The following LRRN2 variants were observed in gnomAD, a reference collection of about 807,000 sequenced individuals.
LRRN2 encodes the protein leucine rich repeat neuronal 2.
A neutral mutation model predicts 35.7 loss-of-function variants in LRRN2; 10 were observed. That is an observed-to-expected ratio of 0.28 (90% CI 0.17 to 0.47). The LOEUF (loss-of-function observed/expected upper bound fraction) is 0.47. Ranked by LOEUF, LRRN2 falls within the 20% of genes least tolerant of loss-of-function variation. The probability of loss-of-function intolerance (pLI) is 0.99; values close to 1 mark genes in which losing one functional copy is unlikely to be tolerated. For missense variants in LRRN2, 731 were observed against 940.3 expected (o/e 0.78, Z 2.91); for synonymous variants, 391 against 409.6 (o/e 0.95, Z 0.55).
intron 1 of LRRN2, among the ~76,000 whole-genome samples, chr1:204,622,840 A>G (rs1436259132): frequency 6.6e-6 from 1 of 152,128 alleles, no homozygotes; most frequent in East Asian, 1.9e-4. Context: ...CTCACTACCC[A>G]AGTACCTGAG....
chr1:204,647,524 G>C (rs1300065731), intron 1 of LRRN2, among the ~76,000 whole-genome samples: 1 of 152,164 alleles, frequency 6.6e-6, no homozygotes, highest in Admixed American at 6.5e-5. Context: ...CTGACAACAA[G>C]GAAAGGGAGA....
chr1:204,683,565 G>A (rs1168944069), intron 1 of LRRN2, among the ~76,000 whole-genome samples: 2 of 152,112 alleles, frequency 1.3e-5, no homozygotes, highest in Non-Finnish European at 2.9e-5. Context: ...AGCCTGGATG[G>A]AATTAGCAGA....
chr1:204,680,053 G>A (rs1476035930), intron 1 of LRRN2, among the ~76,000 whole-genome samples: 2 of 152,246 alleles, frequency 1.3e-5, no homozygotes, highest in Non-Finnish European at 2.9e-5. Context: ...CCGGGGTGGT[G>A]AAGAAGCAGG....
At chr1:204,632,806 C>T (rs563316834) in intron 1 of LRRN2, among the ~76,000 whole-genome samples, 4 of 151,620 alleles carry the variant, frequency 2.6e-5, no homozygotes, top group Non-Finnish European at 4.4e-5. Context: ...TGGTGGCGGG[C>T]GCCTGAAGTC....
chr1:204,684,068 G>C (rs898319235), intron 1 of LRRN2, among the ~76,000 whole-genome samples: 1 of 152,224 alleles, frequency 6.6e-6, no homozygotes, highest in African/African-American at 2.4e-5. Context: ...CGCTGGGCCA[G>C]AGCCCATCCT....
At chr1:204,630,423 A>G (rs1199549685) in intron 1 of LRRN2, among the ~76,000 whole-genome samples, 1 of 152,170 alleles carries the variant, frequency 6.6e-6, no homozygotes, top group Non-Finnish European at 1.5e-5. Flanking sequence ...AGCCCCTTCT[A>G]ACGGAAAAGG....
intron 1 of LRRN2, among the ~76,000 whole-genome samples, chr1:204,652,793 G>T (rs1170100808): frequency 1.3e-5 from 2 of 152,222 alleles, no homozygotes; most frequent in African/African-American, 4.8e-5. Context: ...CAGCTTCCAA[G>T]CAGGTGATTC....
At chr1:204,645,616 A>G (rs979827681) in intron 1 of LRRN2, among the ~76,000 whole-genome samples, 1 of 152,226 alleles carries the variant, frequency 6.6e-6, no homozygotes, top group African/African-American at 2.4e-5. Flanking sequence ...GCTGTGTATT[A>G]GTCCATTCTC....
chr1:204,671,642 T>TAAAAAAAAAAAAAAA (rs35192809), intron 1 of LRRN2, among the ~76,000 whole-genome samples: 2 of 30,252 alleles, frequency 6.6e-5, no homozygotes, highest in Non-Finnish European at 1.1e-4. Context: ...TAATTGATGG[T>TAAAAAAAAAAAAAAA]AAAAAAAAAA....
rs747697681 is a variant in LRRN2 at position 204,619,943 on chromosome 1, G to A, written c.50C>T (p.Thr17Ile). The A allele has an allele frequency of 6.2e-7, 1 of 1,613,148 alleles. No individual in the cohort carries two copies. Among genetic ancestry groups the A allele is most frequent in the Non-Finnish European group, 8.5e-7 (1 of 1,179,830 alleles). The change falls in exon 2 of 2, where the codon ACT becomes ATT. Residue 17 changes from threonine (T) to isoleucine (I), a missense_variant. Transcript: ENST00000367177. ...PLLLAWVAGA[T>I]AAVPVVPWHV... is the part of the protein sequence containing the mutation. ...CCAGGGTACCACGGGCACAGCGGCA[G>A]TGGCACCAGCCACCCAAGCTAGCAA...
intron 1 of LRRN2, among the ~76,000 whole-genome samples, chr1:204,661,274 C>T (rs570194271): frequency 6.6e-6 from 1 of 152,240 alleles, no homozygotes; most frequent in South Asian, 2.1e-4. Flanking sequence ...TGCTAGAATG[C>T]TGAGTGTAAG....
chr1:204,663,373 T>C (rs533403100), intron 1 of LRRN2, among the ~76,000 whole-genome samples: 6 of 152,280 alleles, frequency 3.9e-5, no homozygotes, highest in African/African-American at 1.4e-4. Context: ...ACACACAACA[T>C]GTGAGGAGTA....
chr1:204,668,632 C>G (rs1294049030), intron 1 of LRRN2, among the ~76,000 whole-genome samples: 1 of 152,076 alleles, frequency 6.6e-6, no homozygotes, highest in Non-Finnish European at 1.5e-5. Context: ...GTACCAGGCT[C>G]AAGTCTAGCT....
chr1:204,649,546 C>A lies in LRRN2; in HGVS notation c.-226-29328G>T, dbSNP rs577839973. ...TTCCTGCATCCCTGAACATGCCAGG[C>A]ATTGTGCAGGCAAGAGAGGAAAGCA... On this transcript the variant is annotated intron_variant, in intron 1 of 1. Transcript: ENST00000367177. Among the ~76,000 whole-genome samples the A allele has an allele frequency of 8.5e-5, 13 of 152,238 alleles. 2 individuals are homozygous for A. The South Asian group carries it at 2.7e-3, about 32-fold the overall frequency.
chr1:204,682,596 T>C (rs1571690751), intron 1 of LRRN2, among the ~76,000 whole-genome samples: 1 of 152,194 alleles, frequency 6.6e-6, no homozygotes, highest in Non-Finnish European at 1.5e-5. Context: ...CATTAGAAGG[T>C]TGTCAGCACG....
Position 204,617,652 on chromosome 1 carries a change from C to T in LRRN2, c.*199G>A. The T allele has an allele frequency of 1.6e-6, 1 of 614,630 alleles. No individual in the cohort carries two copies. Among genetic ancestry groups the T allele is most frequent in the Non-Finnish European group, 2.9e-6 (1 of 347,864 alleles). The allele number at this position is 614,630 out of a possible 1,614,324, so 38.1% of individuals were successfully genotyped here. On this transcript the variant is annotated 3_prime_UTR_variant, in exon 2 of 2. Transcript: ENST00000367177. ...TCCTCAGAATGGCAGCAGAGGTGAC[C>T]CTAGGAGGTAAGGGCAACTTTTTCG...
At position 204,680,958 on chromosome 1, in the gene LRRN2, C is replaced by CT. The variant is rs377718032; in HGVS notation, c.-227+4361dup. Among the ~76,000 whole-genome samples, 1,145 of 143,340 alleles carry CT rather than the reference C, an allele frequency of 8.0e-3. 8 individuals are homozygous for CT. The highest frequency in any genetic ancestry group is 0.021 in the African/African-American group (827 of 39,186). The allele number at this position is 143,340 out of a possible 152,430, so 94.0% of individuals were successfully genotyped here. On this transcript the variant is annotated intron_variant, in intron 1 of 1. Transcript: ENST00000367177. ...TCCGCAAACAGCAAACAGAGAGTCA[C>CT]TTTTTTTTTTTTTTTAAAGACAGAG...
rs57390819 is a variant in LRRN2 at position 204,652,260 on chromosome 1, G to GCC, written c.-226-32044_-226-32043dup. On this transcript the variant is annotated intron_variant, in intron 1 of 1. Coordinates refer to ENST00000367177, the MANE Select transcript of LRRN2 (RefSeq NM_201630.2). ...TCCCCTTCGCCCTCTCCTCTTCACC[G>GCC]CCCCCCCCCCGCCCCCCCGCCGCCT... Among the ~76,000 whole-genome samples, 336 of 60,444 alleles carry GCC rather than the reference G, an allele frequency of 5.6e-3. 1 individual carries two copies. Among genetic ancestry groups the GCC allele is most frequent in the Non-Finnish European group, 7.0e-3 (211 of 30,218 alleles). 39.7% of individuals were successfully genotyped at this position (60,444 alleles called of 152,430 possible).
intron 1 of LRRN2, among the ~76,000 whole-genome samples, chr1:204,644,573 C>G (rs376927990): frequency 6.6e-6 from 1 of 152,190 alleles, no homozygotes; most frequent in Admixed American, 6.5e-5. Flanking sequence ...TCATAATTAT[C>G]CTCCAAGTGC....
Sources: gnomAD v4.1 joint callset for allele counts (sites outside exome capture counted in the v4.1 genomes callset) on GRCh38, gnomAD v4.1.1 for gene constraint, MANE v1.5 for transcripts, NCBI Gene and HGNC (gene_info 2026-07-23, HGNC 2026-07-21) for gene names.